The following ABCC4 variants were observed in gnomAD, a reference collection of about 807,000 sequenced individuals.
The protein encoded by ABCC4 is ATP binding cassette subfamily C member 4 (PEL blood group).
Under a neutral mutation model 168.5 loss-of-function variants are expected in ABCC4, and 102 were observed. The ratio of observed to expected loss-of-function variants is 0.61; its 90% confidence interval spans 0.52 to 0.71. ABCC4 has a LOEUF of 0.71. Ranked by LOEUF, ABCC4 falls within the 30% of genes least tolerant of loss-of-function variation. The probability of loss-of-function intolerance (pLI) is 0.00; values close to 1 mark genes in which losing one functional copy is unlikely to be tolerated. For missense variants in ABCC4, 1,402 were observed against 1,605.8 expected (o/e 0.87, Z 2.17); for synonymous variants, 617 against 590.7 (o/e 1.04, Z -0.65).
At chr13:95,042,645 G>C (rs2032410131) in intron 29 of ABCC4, among the ~76,000 whole-genome samples, 1 of 152,094 alleles carries the variant, frequency 6.6e-6, no homozygotes, top group South Asian at 2.1e-4. Context: ...TAAACTAATG[G>C]GCACACTTCA....
At chr13:95,198,264 G>GA (rs1406656709) in intron 8 of ABCC4, among the ~76,000 whole-genome samples, 1 of 148,548 alleles carries the variant, frequency 6.7e-6, no homozygotes, top group Middle Eastern at 3.4e-3. Context: ...AAATTTACAA[G>GA]AAAAAAAACA....
chr13:95,136,596 A>C (rs1268903507), intron 19 of ABCC4, among the ~76,000 whole-genome samples: 1 of 152,240 alleles, frequency 6.6e-6, no homozygotes, highest in African/African-American at 2.4e-5. Flanking sequence ...GATGAATTCC[A>C]CAAAGGAGAT....
intron 30 of ABCC4, among the ~76,000 whole-genome samples, chr13:95,029,220 A>ATC (rs1311634121): frequency 1.2e-3 from 7 of 5,612 alleles, no homozygotes; most frequent in Admixed American, 3.6e-3. Context: ...ATATAGAGAG[A>ATC]GAGAGAGAGA....
intron 1 of ABCC4, among the ~76,000 whole-genome samples, chr13:95,262,271 G>A (rs746918760): frequency 4.6e-5 from 7 of 152,206 alleles, no homozygotes; most frequent in Non-Finnish European, 7.3e-5. Context: ...GAGGACAGCA[G>A]GAGTCAAGTT....
chr13:95,192,406 A>T (rs1343428663), intron 9 of ABCC4, among the ~76,000 whole-genome samples: 1 of 152,164 alleles, frequency 6.6e-6, no homozygotes, highest in East Asian at 1.9e-4. Context: ...AACAGGATGG[A>T]GTGTTCTGTT....
chr13:95,080,233 G>A (rs2034044544), intron 21 of ABCC4, among the ~76,000 whole-genome samples: 1 of 152,162 alleles, frequency 6.6e-6, no homozygotes, highest in African/African-American at 2.4e-5. Context: ...ACAGAAATTG[G>A]ATACGGCTTC....
chr13:95,286,968 A>G (rs1190527751), intron 1 of ABCC4, among the ~76,000 whole-genome samples: 1 of 150,738 alleles, frequency 6.6e-6, no homozygotes, highest in East Asian at 1.9e-4. Flanking sequence ...AAAAAAAAAA[A>G]AAAAGAAAAG....
intron 25 of ABCC4, among the ~76,000 whole-genome samples, chr13:95,064,092 T>A (rs2033402614): frequency 6.6e-6 from 1 of 152,110 alleles, no homozygotes; most frequent in Admixed American, 6.5e-5. Context: ...AGGAATTTTA[T>A]CTTTAAAGAG....
intron 30 of ABCC4, among the ~76,000 whole-genome samples, chr13:95,025,285 C>CATA (rs2031417732): frequency 2.7e-5 from 1 of 36,374 alleles, no homozygotes; most frequent in African/African-American, 1.3e-4. Flanking sequence ...ACACACACCC[C>CATA]CACACACACC....
At chr13:95,154,945 A>G (rs2036807596) in intron 19 of ABCC4, among the ~76,000 whole-genome samples, 1 of 151,924 alleles carries the variant, frequency 6.6e-6, no homozygotes, top group Admixed American at 6.6e-5. Context: ...TTTATTGATG[A>G]CTCTTTTTTT....
At position 95,164,504 on chromosome 13, in the gene ABCC4, T is replaced by C. The variant is rs1321296985; in HGVS notation, c.2049A>G (p.Pro683=). The C allele has an allele frequency of 6.2e-7, 1 of 1,614,106 alleles. No homozygotes were observed. The highest frequency in any genetic ancestry group is 1.3e-5 in the African/African-American group (1 of 75,030). The change falls in exon 16 of 31, where the codon CCA becomes CCG. Residue 683 remains proline (P), a synonymous_variant. Coordinates refer to ENST00000645237, the MANE Select transcript of ABCC4 (RefSeq NM_005845.5). ...ALESQDTENV[P]VTLSEENRSE... ...AACGGTTCTCCTCTGATAGTGTAAC[T>C]GGGACATTCTCTGTCTGCAGAGGAA...
chr13:95,068,590 C>A (rs1209350414), intron 25 of ABCC4, among the ~76,000 whole-genome samples: 1 of 152,126 alleles, frequency 6.6e-6, no homozygotes, highest in African/African-American at 2.4e-5. Flanking sequence ...TGCACTCCAG[C>A]CTAGATGACA....
chr13:95,143,516 C>T (rs1481292892), intron 19 of ABCC4, among the ~76,000 whole-genome samples: 1 of 152,128 alleles, frequency 6.6e-6, no homozygotes, highest in East Asian at 1.9e-4. Flanking sequence ...GTCTCCTTTC[C>T]CTCTTTCTCT....
intron 20 of ABCC4, among the ~76,000 whole-genome samples, chr13:95,102,291 C>A (rs911358445): frequency 6.6e-6 from 1 of 152,020 alleles, no homozygotes; most frequent in Admixed American, 6.6e-5. Context: ...ACTACAGGCA[C>A]GCACCACTAC....
chr13:95,252,427 G>A (rs2040288564), intron 1 of ABCC4, among the ~76,000 whole-genome samples: 1 of 152,146 alleles, frequency 6.6e-6, no homozygotes, highest in African/African-American at 2.4e-5. Flanking sequence ...TGTAATCCTA[G>A]CACTTTGGGA....
At chr13:95,195,416 A>C (rs1280247500) in intron 8 of ABCC4, among the ~76,000 whole-genome samples, 1 of 152,192 alleles carries the variant, frequency 6.6e-6, no homozygotes, top group Non-Finnish European at 1.5e-5. Flanking sequence ...TGAGCCCAGA[A>C]GGGTAGGCAG....
At chr13:95,116,495 T>C (rs1026940907) in intron 19 of ABCC4, among the ~76,000 whole-genome samples, 1 of 152,192 alleles carries the variant, frequency 6.6e-6, no homozygotes, top group Non-Finnish European at 1.5e-5. Context: ...CCTCACATTT[T>C]TGGGGAAACT....
In ABCC4 at chr13:95,161,182, G is replaced by C. The variant is rs2037086611; in HGVS notation, c.2455+7C>G. ...ATACTTACTGAGAAACTTGGTGTCA[G>C]ACTTACCTATTGGATTTCTATCAAA... On this transcript the variant is annotated splice_region_variant and intron_variant, in intron 19 of 30. Transcript: ENST00000645237. 1 of 1,591,180 alleles carries C rather than the reference G, an allele frequency of 6.3e-7. No homozygotes were observed. Among genetic ancestry groups the C allele is most frequent in the Admixed American group, 1.8e-5 (1 of 54,170 alleles).
intron 1 of ABCC4, among the ~76,000 whole-genome samples, chr13:95,269,885 T>C (rs759695498): frequency 6.6e-6 from 1 of 152,168 alleles, no homozygotes; most frequent in African/African-American, 2.4e-5. Context: ...TGAAATACCA[T>C]TCTTCACTTC....
Sources: gnomAD v4.1 joint callset for allele counts (sites outside exome capture counted in the v4.1 genomes callset) on GRCh38, gnomAD v4.1.1 for gene constraint, MANE v1.5 for transcripts, NCBI Gene and HGNC (gene_info 2026-07-23, HGNC 2026-07-21) for gene names.